Variants in ZNF395 observed in about 807,000 individuals in gnomAD.
ZNF395 encodes HD gene regulatory region-binding protein 2.
A neutral mutation model predicts 57.7 loss-of-function variants in ZNF395; 20 were observed. The ratio of observed to expected loss-of-function variants is 0.35; its 90% CI spans 0.24 to 0.50. The LOEUF is 0.50. ZNF395 is among the 20% of genes least tolerant of loss of function. The probability of loss-of-function intolerance (pLI) is 0.97; values close to 1 mark genes in which losing one functional copy is unlikely to be tolerated. For missense variants in ZNF395, 606 were observed against 671.2 expected (o/e 0.90, Z 1.07); for synonymous variants, 295 against 275.9 (o/e 1.07, Z -0.69).
intron 1 of ZNF395, among the ~76,000 whole-genome samples, chr8:28,381,877 C>T (rs1481244008): frequency 1.3e-5 from 2 of 152,156 alleles, no homozygotes; most frequent in Non-Finnish European, 2.9e-5. Flanking sequence ...CTCTATAATT[C>T]CATTCCCATC....
chr8:28,361,161 C>T lies in ZNF395; in HGVS notation c.-37G>A. The T allele has an allele frequency of 6.2e-7, 1 of 1,607,650 alleles. No individual in the cohort carries two copies. Among genetic ancestry groups the T allele is most frequent in the Non-Finnish European group, 8.5e-7 (1 of 1,179,982 alleles). On this transcript the variant is annotated 5_prime_UTR_variant, in exon 2 of 10. Transcript: ENST00000344423. ...TCCTCTCCTGCGGAGGCGAAGGGGACACTGAAGCCTCTGCCCATCACCTGG... is the reference window on the plus strand; with the variant it reads ...TCCTCTCCTGCGGAGGCGAAGGGGATACTGAAGCCTCTGCCCATCACCTGG...
intron 1 of ZNF395, among the ~76,000 whole-genome samples, chr8:28,381,535 T>C (rs1051046106): frequency 6.6e-6 from 1 of 152,150 alleles, no homozygotes; most frequent in Non-Finnish European, 1.5e-5. Flanking sequence ...CAGGGTACTA[T>C]TTGTCAGTCT....
At chr8:28,369,286 G>T (rs1293669682) in intron 1 of ZNF395, among the ~76,000 whole-genome samples, 1 of 152,100 alleles carries the variant, frequency 6.6e-6, no homozygotes, top group African/African-American at 2.4e-5. Context: ...GAGAAAACTG[G>T]TTTGGAACTC....
intron 8 of ZNF395, among the ~76,000 whole-genome samples, chr8:28,349,794 G>T (rs965088056): frequency 2.6e-5 from 4 of 152,178 alleles, no homozygotes; most frequent in African/African-American, 9.7e-5. Flanking sequence ...CCCCAGCCTC[G>T]CCTGGTGATT....
At chr8:28,376,369 C>T (rs1490007035) in intron 1 of ZNF395, among the ~76,000 whole-genome samples, 1 of 152,018 alleles carries the variant, frequency 6.6e-6, no homozygotes, top group East Asian at 1.9e-4. Context: ...CTGTTAATCC[C>T]AGCACTTTGG....
At chr8:28,367,690 A>T (rs759827250) in intron 1 of ZNF395, among the ~76,000 whole-genome samples, 3 of 152,162 alleles carry the variant, frequency 2.0e-5, no homozygotes, top group Non-Finnish European at 1.5e-5. Flanking sequence ...TACACAAGAC[A>T]GCTCTTAGGA....
At chr8:28,358,523 C>G (rs1801809573) in intron 3 of ZNF395, among the ~76,000 whole-genome samples, 1 of 152,120 alleles carries the variant, frequency 6.6e-6, no homozygotes, top group Non-Finnish European at 1.5e-5. Flanking sequence ...GAAGCCTCAA[C>G]CACCTGGACT....
chr8:28,345,652 AC>A lies in ZNF395; in HGVS notation c.*3066del, dbSNP rs1236557485. The A allele has an allele frequency of 6.6e-6, 1 of 152,580 alleles. No homozygotes were observed. Among genetic ancestry groups the A allele is most frequent in the East Asian group, 1.9e-4 (1 of 5,196 alleles). The allele number at this position is 152,580 out of a possible 1,614,324, so 9.5% of individuals were successfully genotyped here. A position where few individuals can be genotyped will look rare whatever the true frequency, so the allele number is the denominator to read the frequency against. On this transcript the variant is annotated 3_prime_UTR_variant, in exon 10 of 10. Coordinates refer to ENST00000344423, the MANE Select transcript of ZNF395 (RefSeq NM_018660.3). ...TTCATATTGTTGCTGTAAAAACATT[AC>A]ATTTCACATTTTTAAAAAATTTTTT...
At chr8:28,351,308 A>G (rs1457408851) in intron 7 of ZNF395, 187 bp downstream of exon 7, 2 of 585,486 alleles carry the variant, frequency 3.4e-6, no homozygotes, top group South Asian at 3.1e-5. Flanking sequence ...CTGCCAATGT[A>G]GATAACTCCA....
intron 1 of ZNF395, among the ~76,000 whole-genome samples, chr8:28,378,734 T>C (rs909282019): frequency 5.9e-5 from 9 of 152,204 alleles, no homozygotes; most frequent in African/African-American, 2.2e-4. Context: ...TAACTGACCC[T>C]CTAAATTGGA....
intron 5 of ZNF395, 128 bp downstream of exon 5, chr8:28,353,045 A>C: frequency 1.2e-6 from 1 of 816,374 alleles, no homozygotes; most frequent in Non-Finnish European, 2.0e-6. Context: ...CAGCAATAAA[A>C]AACCGAAATG....
chr8:28,351,756 T>C lies in ZNF395; in HGVS notation c.972A>G (p.Thr324=). The change falls in exon 7 of 10, where the codon ACA becomes ACG. Residue 324 remains threonine (T), a synonymous_variant. Transcript: ENST00000344423. ...QFKREEDFYY[T]EVQLKEESAA... Reference sequence around the variant, plus strand: ...CAGATTCCTCCTTCAGCTGCACCTCTGTGTAGTAGAAATCCTCCTCCCGCT... The same window carrying C: ...CAGATTCCTCCTTCAGCTGCACCTCCGTGTAGTAGAAATCCTCCTCCCGCT... The C allele has an allele frequency of 6.3e-7, 1 of 1,597,664 alleles. No individual in the cohort carries two copies. The highest frequency in any genetic ancestry group is 2.2e-5 in the East Asian group (1 of 44,790).
In ZNF395 at chr8:28,352,833, G is replaced by A. The variant is rs566340121; in HGVS notation, c.820-160C>T. Among the ~76,000 whole-genome samples, 250 of 152,290 alleles carry A rather than the reference G, an allele frequency of 1.6e-3. 2 individuals are homozygous for A. Among genetic ancestry groups the A allele is most frequent in the Non-Finnish European group, 2.1e-3 (141 of 68,024 alleles). ...GGACCAGAGAAACTTACAACCAGGG[G>A]CTAGAAAGCCCCAATCTAAGAGATG... On this transcript the variant is annotated intron_variant, in intron 5 of 9. Coordinates refer to ENST00000344423, the MANE Select transcript of ZNF395 (RefSeq NM_018660.3). This position sits in a 1 kb window ranked among gnomAD's most constrained non-coding sequence, Gnocchi z 4.0.
At chr8:28,375,758 T>C (rs912604759) in intron 1 of ZNF395, among the ~76,000 whole-genome samples, 3 of 152,034 alleles carry the variant, frequency 2.0e-5, no homozygotes, top group South Asian at 2.1e-4. Flanking sequence ...ACCATAAAAA[T>C]AGATAACAAG....
Position 28,350,044 on chromosome 8 carries a change from C to G in ZNF395, c.1326+20G>C. ...GCCCTCGGCCATACGAGGCCCCAGC[C>G]GTGCTGCCCGCACACTCACCGGAGA... is the stretch of plus-strand genomic sequence containing the variant. On this transcript the variant is annotated intron_variant, in intron 8 of 9. Coordinates refer to ENST00000344423, the MANE Select transcript of ZNF395 (RefSeq NM_018660.3). The G allele has an allele frequency of 6.4e-7, 1 of 1,566,448 alleles. No individual in the cohort carries two copies. Among genetic ancestry groups the G allele is most frequent in the Non-Finnish European group, 8.6e-7 (1 of 1,163,650 alleles).
In ZNF395 at chr8:28,352,477, C is replaced by G; in HGVS notation, c.920+96G>C. On this transcript the variant is annotated intron_variant, in intron 6 of 9. Transcript: ENST00000344423. The surrounding 1 kb of genome is among the most constrained non-coding windows in gnomAD (Gnocchi z 4.0). Reference sequence around the variant, plus strand: ...GGGGGTGTTCCCAGCAAGCCACGTTCCTGAAAGCACTGTGGGCTGTGGGTC... The same window carrying G: ...GGGGGTGTTCCCAGCAAGCCACGTTGCTGAAAGCACTGTGGGCTGTGGGTC... 1.9e-6 allele frequency: 2 copies of G among 1,080,088 alleles called. No homozygotes were observed. Among genetic ancestry groups the G allele is most frequent in the South Asian group, 2.8e-5 (2 of 72,608 alleles). The allele number at this position is 1,080,088 out of a possible 1,614,324, so 66.9% of individuals were successfully genotyped here.
intron 1 of ZNF395, chr8:28,368,406 T>C (rs778073411): frequency 1.3e-5 from 2 of 152,158 alleles, no homozygotes; most frequent in African/African-American, 4.8e-5. Flanking sequence ...GGAACAACAT[T>C]ATCCCCATTT....
chr8:28,369,137 ATTTT>A (rs571228550), intron 1 of ZNF395, among the ~76,000 whole-genome samples: 2 of 136,760 alleles, frequency 1.5e-5, no homozygotes, highest in South Asian at 2.3e-4. Context: ...TGCCTGGCCA[ATTTT>A]TTTTTTTTTT....
At position 28,353,392 on chromosome 8, in the gene ZNF395, G is replaced by A. The variant is rs758797339; in HGVS notation, c.600C>T (p.Cys200=). The A allele has an allele frequency of 4.3e-5, 67 of 1,549,384 alleles. No homozygotes were observed. In the Middle Eastern group the frequency reaches 5.2e-4, roughly 12 times the overall value. The change falls in exon 5 of 10, where the codon TGC becomes TGT. Residue 200 remains cysteine, a synonymous_variant. Coordinates refer to ENST00000344423, the MANE Select transcript of ZNF395 (RefSeq NM_018660.3). The part of the protein sequence containing the change: ...EANFSASRAA[C]DPWKESGDIS... ...TGTCACCACTCTCCTTCCATGGGTC[G>A]CAGGCCGCACGGGAAGCTGGCCAGA... is the stretch of plus-strand genomic sequence containing the variant.
Sources: allele counts gnomAD v4.1 joint callset (sites outside exome capture counted in the v4.1 genomes callset), GRCh38; gene constraint gnomAD v4.1.1; non-coding constraint Gnocchi (gnomAD v3.1); transcripts MANE v1.5; gene names NCBI Gene and HGNC (gene_info 2026-07-23, HGNC 2026-07-21).